WAPL: variants seen among roughly 807,000 people sequenced by gnomAD.
WAPL encodes WAPL cohesin release factor, also known as wings apart-like protein homolog.
In WAPL, 5 loss-of-function variants were observed where a neutral mutation model predicts 121.0. The observed-to-expected ratio is 0.04, with a 90% confidence interval of 0.02 to 0.09. The LOEUF (loss-of-function observed/expected upper bound fraction) is 0.09. Among genes scored for constraint, WAPL ranks in the 10% least tolerant of loss-of-function variants. The probability of loss-of-function intolerance (pLI) is 1.00; values close to 1 mark genes in which losing one functional copy is unlikely to be tolerated. For missense variants in WAPL, 999 were observed against 1,410.8 expected, an observed-to-expected ratio of 0.71 and a Z score of 4.68; for synonymous variants, 480 against 481.5, an observed-to-expected ratio of 1.00 and a Z score of 0.04.
In WAPL at chr10:86,453,557, T is replaced by TA. The variant is rs1294872932; in HGVS notation, c.2833+98dup. The TA allele has an allele frequency of 2.1e-5, 29 of 1,390,718 alleles. No individual in the cohort carries two copies. The East Asian group carries it at 2.4e-4, about 11-fold the overall frequency. The allele number at this position is 1,390,718 out of a possible 1,614,324, so 86.1% of individuals were successfully genotyped here. A position where few individuals can be genotyped will look rare whatever the true frequency, so the allele number is the denominator to read the frequency against. ...AGTAAGTCAAGTACATTATGACAAATAAAAAAATCACTACCCCAGGAAAAG... is the reference window on the plus strand; with the variant it reads ...AGTAAGTCAAGTACATTATGACAAATAAAAAAAATCACTACCCCAGGAAAAG... On this transcript the variant is annotated intron_variant, in intron 13 of 18. Coordinates refer to ENST00000298767, the MANE Select transcript of WAPL (RefSeq NM_015045.5).
chr10:86,508,066 C>A (rs1266215285), intron 2 of WAPL, among the ~76,000 whole-genome samples: 2 of 152,142 alleles, frequency 1.3e-5, no homozygotes, highest in Admixed American at 6.5e-5. Flanking sequence ...AAAAAACATA[C>A]ACACTAGGTA....
intron 15 of WAPL, among the ~76,000 whole-genome samples, chr10:86,446,674 C>T (rs1480693635): frequency 6.6e-6 from 1 of 152,110 alleles, no homozygotes; most frequent in Non-Finnish European, 1.5e-5. Flanking sequence ...AATAATGATG[C>T]AAGAATGAGT....
chr10:86,486,470 A>C (rs1050780698), intron 4 of WAPL, among the ~76,000 whole-genome samples: 1 of 152,264 alleles, frequency 6.6e-6, no homozygotes, highest in African/African-American at 2.4e-5. Context: ...TTATGTAATT[A>C]CAACATTCTA....
rs185270425 is a variant in WAPL, at chr10:86,520,468, T to G, written c.-23+897A>C. On this transcript the variant is annotated intron_variant, in intron 1 of 18. Transcript: ENST00000298767. ...GTCACTGCTAAATCCAAGCGATGGG[T>G]ACAGAGAAGTTCATTATATAATATC... Among the ~76,000 whole-genome samples the G allele has an allele frequency of 3.2e-3, 491 of 152,250 alleles. 2 individuals are homozygous for G. The highest frequency in any genetic ancestry group is 5.8e-3 in the South Asian group (28 of 4,822).
Position 86,487,938 on chromosome 10 carries a change from C to G in WAPL, c.1644+9263G>C, listed in dbSNP as rs185403894. ...AAAAAAGAGTTAATGCTTTCTAACA[C>G]AGGGTAGAGGGGTAGGTAGAGGGAA... On this transcript the variant is annotated intron_variant, in intron 4 of 18. Transcript: ENST00000298767. 2.1e-3 allele frequency among the ~76,000 whole-genome samples: 318 copies of G among 152,158 alleles called. 3 individuals carry two copies. Among genetic ancestry groups the G allele is most frequent in the African/African-American group, 7.4e-3 (307 of 41,542 alleles).
At chr10:86,462,701 G>T (rs1050662205) in intron 9 of WAPL, among the ~76,000 whole-genome samples, 6 of 126,192 alleles carry the variant, frequency 4.8e-5, no homozygotes, top group African/African-American at 1.9e-4. Context: ...CAACCTGGGC[G>T]ACAGAGTGAG....
chr10:86,512,580 G>A (rs563827252), intron 2 of WAPL, among the ~76,000 whole-genome samples: 1 of 152,344 alleles, frequency 6.6e-6, no homozygotes, highest in Admixed American at 6.5e-5. Flanking sequence ...AGATCTCTTA[G>A]AAGGGTGGAC....
At position 86,437,296 on chromosome 10, in the gene WAPL, C is replaced by T; in HGVS notation, c.*247G>A. ...CTGCCAAAGTAAATGTATTTAAATACTGCATGGAATTGTTAACAGCCTGAA... is the reference window on the plus strand; with the variant it reads ...CTGCCAAAGTAAATGTATTTAAATATTGCATGGAATTGTTAACAGCCTGAA... On this transcript the variant is annotated 3_prime_UTR_variant, in exon 19 of 19. Coordinates refer to ENST00000298767, the MANE Select transcript of WAPL (RefSeq NM_015045.5). 1 of 446,722 alleles carries T rather than the reference C, an allele frequency of 2.2e-6. No homozygotes were observed. The highest frequency in any genetic ancestry group is 3.9e-6 in the Non-Finnish European group (1 of 253,408). The allele number at this position is 446,722 out of a possible 1,614,324, so 27.7% of individuals were successfully genotyped here. A position where few individuals can be genotyped will look rare whatever the true frequency, so the allele number is the denominator to read the frequency against.
chr10:86,511,355 T>C (rs1842460369), intron 2 of WAPL, among the ~76,000 whole-genome samples: 1 of 152,274 alleles, frequency 6.6e-6, no homozygotes, highest in Middle Eastern at 3.4e-3. Flanking sequence ...AATCCATAAT[T>C]TGCCCCTTGC....
intron 15 of WAPL, 63 bp downstream of exon 15, chr10:86,451,904 A>C: frequency 6.3e-7 from 1 of 1,577,512 alleles, no homozygotes; most frequent in East Asian, 2.2e-5. Flanking sequence ...TGCAAATGAT[A>C]AAAGAAATTG....
intron 12 of WAPL, 108 bp from the exon 13 acceptor site, chr10:86,453,939 T>A: frequency 9.7e-7 from 1 of 1,032,132 alleles, no homozygotes; most frequent in East Asian, 3.1e-5. Context: ...CACTTTATTT[T>A]GGAAAAATCT....
chr10:86,483,367 C>A (rs1329968349), intron 4 of WAPL, among the ~76,000 whole-genome samples: 2 of 151,688 alleles, frequency 1.3e-5, no homozygotes, highest in African/African-American at 4.8e-5. Context: ...TTGCGGTAAG[C>A]TGAGATCCCA....
In WAPL at chr10:86,472,423, T is replaced by G; in HGVS notation, c.1894-79A>C. On this transcript the variant is annotated intron_variant, in intron 6 of 18. Transcript: ENST00000298767. This position sits in a 1 kb window ranked among gnomAD's most constrained non-coding sequence, Gnocchi z 4.2. ...ATCTATGGGCTCACTGTACTTTACA[T>G]AAGTGCATAAAATAGTTCATTAGAT... 3 of 1,538,902 alleles carry G rather than the reference T, an allele frequency of 1.9e-6. No individual in the cohort carries two copies. Among genetic ancestry groups the G allele is most frequent in the East Asian group, 2.3e-5 (1 of 43,492 alleles).
At chr10:86,450,379 G>C (rs972151715) in intron 15 of WAPL, among the ~76,000 whole-genome samples, 12 of 152,246 alleles carry the variant, frequency 7.9e-5, no homozygotes, top group African/African-American at 2.9e-4. Context: ...GGTACTATGA[G>C]CATGCACCAC....
Position 86,438,132 on chromosome 10 carries a change from A to G in WAPL, c.3412-117T>C. 4 of 646,790 alleles carry G rather than the reference A, an allele frequency of 6.2e-6. No homozygotes were observed. In the South Asian group the frequency reaches 9.2e-5, roughly 15 times the overall value. 40.1% of individuals were successfully genotyped at this position (646,790 alleles called of 1,614,324 possible). A position where few individuals can be genotyped will look rare whatever the true frequency, so the allele number is the denominator to read the frequency against. ...TGCAAATTTTTAAGATCCTTGGAAC[A>G]CGTGGTTATTTATTCTCTTTCCACA... On this transcript the variant is annotated intron_variant, in intron 17 of 18. Coordinates refer to ENST00000298767, the MANE Select transcript of WAPL (RefSeq NM_015045.5).
intron 17 of WAPL, among the ~76,000 whole-genome samples, chr10:86,442,381 G>A (rs181109715): frequency 1.2e-4 from 19 of 152,266 alleles, no homozygotes; most frequent in African/African-American, 4.3e-4. Context: ...ACCTGAAAAA[G>A]CTCAACAAGT....
intron 2 of WAPL, among the ~76,000 whole-genome samples, chr10:86,507,764 G>A (rs916336449): frequency 1.1e-4 from 16 of 149,868 alleles, no homozygotes; most frequent in African/African-American, 3.9e-4. Flanking sequence ...CAACTTGCTT[G>A]TGCCAGTACT....
chr10:86,476,758 C>T (rs943044875), intron 4 of WAPL, among the ~76,000 whole-genome samples: 1 of 151,296 alleles, frequency 6.6e-6, no homozygotes, highest in African/African-American at 2.4e-5. Flanking sequence ...TGATGTGCTG[C>T]TAGGTTTAAG....
chr10:86,463,068 A>C (rs1841325359), intron 9 of WAPL, among the ~76,000 whole-genome samples: 1 of 152,228 alleles, frequency 6.6e-6, no homozygotes, highest in African/African-American at 2.4e-5. Context: ...CCTACTAATC[A>C]AGCATTTTAT....
Sources: allele counts gnomAD v4.1 joint callset (sites outside exome capture counted in the v4.1 genomes callset), GRCh38; gene constraint gnomAD v4.1.1; non-coding constraint Gnocchi (gnomAD v3.1); transcripts MANE v1.5; gene names NCBI Gene and HGNC (gene_info 2026-07-23, HGNC 2026-07-21).